TNFRSF19: variants seen among roughly 807,000 people sequenced by gnomAD.
TNFRSF19 encodes tumor necrosis factor receptor superfamily member 19.
TNFRSF19 carries 27 observed loss-of-function variants against 46.4 expected under a neutral mutation model. The observed-to-expected ratio is 0.58, with a 90% CI of 0.43 to 0.80. The LOEUF is 0.80. TNFRSF19 is among the 30% of genes least tolerant of loss of function. The pLI is 0.00. For synonymous variants in TNFRSF19, 204 were observed against 205.0 expected (o/e 1.00, Z 0.04); for missense variants, 511 against 530.8 (o/e 0.96, Z 0.37).
intron 9 of TNFRSF19, among the ~76,000 whole-genome samples, chr13:23,670,755 C>T (rs3751358): frequency 0.12 from 17,912 of 152,180 alleles, 1,143 homozygotes; most frequent in East Asian, 0.23. Flanking sequence ...TAGAAACAGG[C>T]GGAACCCCCC....
At chr13:23,577,626 C>T (rs532935487) in intron 1 of TNFRSF19, among the ~76,000 whole-genome samples, 139 of 152,212 alleles carry the variant, frequency 9.1e-4, no homozygotes, top group African/African-American at 3.3e-3. Context: ...TCGTGAGAGC[C>T]GTGGCTTTTG....
chr13:23,585,511 T>C (rs1319782687), intron 1 of TNFRSF19: 1 of 152,258 alleles, frequency 6.6e-6, no homozygotes, highest in Non-Finnish European at 1.5e-5. Context: ...TGACCTGGAT[T>C]TGTGCTACCA....
At chr13:23,604,992 C>CCACTCTGCA (rs920829945) in intron 3 of TNFRSF19, among the ~76,000 whole-genome samples, 2 of 152,058 alleles carry the variant, frequency 1.3e-5, no homozygotes, top group African/African-American at 4.8e-5. Flanking sequence ...TTGAAAATTT[C>CCACTCTGCA]CACTCTGCAT....
intron 5 of TNFRSF19, among the ~76,000 whole-genome samples, chr13:23,656,997 C>T (rs1051590147): frequency 1.3e-5 from 2 of 152,154 alleles, no homozygotes; most frequent in African/African-American, 4.8e-5. Flanking sequence ...GTATAATGAA[C>T]ATTTAGTGTG....
At position 23,616,875 on chromosome 13, in the gene TNFRSF19, G is replaced by A. The variant is rs117753310; in HGVS notation, c.359+830G>A. Among the ~76,000 whole-genome samples the A allele has an allele frequency of 7.7e-3, 1,176 of 152,192 alleles. 7 individuals are homozygous for A. The highest frequency in any genetic ancestry group is 0.021 in the South Asian group (100 of 4,814). On this transcript the variant is annotated intron_variant, in intron 4 of 9. Coordinates refer to ENST00000248484, the MANE Select transcript of TNFRSF19 (RefSeq NM_148957.4). ...ATTACAGGTGTGAGCCACCATGCCCGGCTTCTTATAGGGTTTTAAAAAATA... is the reference window on the plus strand; with the variant it reads ...ATTACAGGTGTGAGCCACCATGCCCAGCTTCTTATAGGGTTTTAAAAAATA...
intron 5 of TNFRSF19, among the ~76,000 whole-genome samples, chr13:23,651,861 T>TTTTAATA (rs1174041193): frequency 8.6e-6 from 1 of 116,232 alleles, no homozygotes; most frequent in Non-Finnish European, 1.8e-5. Flanking sequence ...TTTTTTTTTT[T>TTTTAATA]ACTCTAAATG....
intron 3 of TNFRSF19, among the ~76,000 whole-genome samples, chr13:23,610,614 T>G (rs1249886979): frequency 2.0e-5 from 3 of 152,156 alleles, no homozygotes; most frequent in Non-Finnish European, 4.4e-5. Context: ...TCCCTAGGAT[T>G]TTTTTAAAGT....
intron 1 of TNFRSF19, among the ~76,000 whole-genome samples, chr13:23,573,518 T>C (rs1022191901): frequency 2.0e-5 from 3 of 152,228 alleles, no homozygotes; most frequent in African/African-American, 4.8e-5. Flanking sequence ...TTTGGCATTA[T>C]ATCAACACAT....
chr13:23,574,375 A>T (rs1157477285), intron 1 of TNFRSF19, among the ~76,000 whole-genome samples: 1 of 152,078 alleles, frequency 6.6e-6, no homozygotes, highest in Non-Finnish European at 1.5e-5. Context: ...GGGCTAGGTG[A>T]TTCATTCTTT....
chr13:23,630,238 G>A (rs1337452037), intron 5 of TNFRSF19, among the ~76,000 whole-genome samples: 2 of 149,752 alleles, frequency 1.3e-5, no homozygotes, highest in Non-Finnish European at 3.0e-5. Flanking sequence ...AGGAGGTTGA[G>A]GCAGCAGTGA....
chr13:23,674,753 C>T lies in TNFRSF19; in HGVS notation c.*1373C>T, dbSNP rs551748097. 6.6e-6 allele frequency: 1 copy of T among 152,322 alleles called. No homozygotes were observed. Among genetic ancestry groups the T allele is most frequent in the East Asian group, 1.9e-4 (1 of 5,184 alleles). The allele number at this position is 152,322 out of a possible 1,614,324, so 9.4% of individuals were successfully genotyped here. ...TATGATATTTTGGTTTGGAATTGCC[C>T]TGCCCAAGTCACTGTCTTTTAACTT... On this transcript the variant is annotated 3_prime_UTR_variant, in exon 10 of 10. Transcript: ENST00000248484.
intron 5 of TNFRSF19, among the ~76,000 whole-genome samples, chr13:23,637,182 A>T (rs1160254533): frequency 6.6e-6 from 1 of 152,176 alleles, no homozygotes; most frequent in African/African-American, 2.4e-5. Context: ...TGAAGGCCTG[A>T]AAAATAAAAT....
intron 7 of TNFRSF19, among the ~76,000 whole-genome samples, chr13:23,664,375 A>G (rs1951581724): frequency 6.6e-6 from 1 of 151,992 alleles, no homozygotes; most frequent in Non-Finnish European, 1.5e-5. Flanking sequence ...TTTAGTACCA[A>G]CTTTCTTTGC....
intron 3 of TNFRSF19, among the ~76,000 whole-genome samples, chr13:23,593,901 C>A (rs889427286): frequency 2.6e-5 from 4 of 152,068 alleles, no homozygotes; most frequent in African/African-American, 9.7e-5. Context: ...ACTGAGGTAC[C>A]CAGCTCATCT....
intron 5 of TNFRSF19, among the ~76,000 whole-genome samples, chr13:23,630,169 G>T (rs938239647): frequency 7.9e-5 from 12 of 151,936 alleles, no homozygotes; most frequent in African/African-American, 2.9e-4. Context: ...TAGGGATGGT[G>T]GTGTGTGCCT....
chr13:23,603,559 A>C (rs1880314180), intron 3 of TNFRSF19, among the ~76,000 whole-genome samples: 1 of 152,042 alleles, frequency 6.6e-6, no homozygotes, highest in South Asian at 2.1e-4. Flanking sequence ...AGATACAAAA[A>C]TTCTCAACAA....
Position 23,673,554 on chromosome 13 carries a change from C to G in TNFRSF19, c.*174C>G. 1 of 1,280,720 alleles carries G rather than the reference C, an allele frequency of 7.8e-7. No individual in the cohort carries two copies. Among genetic ancestry groups the G allele is most frequent in the Non-Finnish European group, 9.9e-7 (1 of 1,006,540 alleles). The allele number at this position is 1,280,720 out of a possible 1,614,324, so 79.3% of individuals were successfully genotyped here. ...GCCAGTTGCTTCTGAGCCAGACCAG[C>G]TGTAAGCTGAAACCTCAATGAATAA... On this transcript the variant is annotated 3_prime_UTR_variant, in exon 10 of 10. Coordinates refer to ENST00000248484, the MANE Select transcript of TNFRSF19 (RefSeq NM_148957.4).
intron 3 of TNFRSF19, among the ~76,000 whole-genome samples, chr13:23,610,312 G>A (rs1379320521): frequency 6.6e-6 from 1 of 152,208 alleles, no homozygotes; most frequent in African/African-American, 2.4e-5. Context: ...TGCAGAAGGA[G>A]AAAAGAGAGA....
At chr13:23,591,859 T>C (rs1879333699) in intron 2 of TNFRSF19, among the ~76,000 whole-genome samples, 1 of 151,944 alleles carries the variant, frequency 6.6e-6, no homozygotes, top group Non-Finnish European at 1.5e-5. Flanking sequence ...TGCAAGTAGC[T>C]GGGACTACAG....
Sources: allele counts gnomAD v4.1 joint callset (sites outside exome capture counted in the v4.1 genomes callset), GRCh38; gene constraint gnomAD v4.1.1; transcripts MANE v1.5; gene names NCBI Gene and HGNC (gene_info 2026-07-23, HGNC 2026-07-21).